The following TXNL4A variants were observed in gnomAD, a reference collection of about 807,000 sequenced individuals.
TXNL4A encodes thioredoxin like 4A, also known as thioredoxin-like protein 4A.
A neutral mutation model predicts 14.6 loss-of-function variants in TXNL4A; 17 were observed. The observed-to-expected ratio is 1.16, with a 90% confidence interval of 0.80 to 1.74. The LOEUF (loss-of-function observed/expected upper bound fraction) is 1.74, where lower values mean the gene tolerates loss of function less well. Ranked by LOEUF, TXNL4A falls within the 40% of genes most tolerant of loss-of-function variation. TXNL4A has a pLI of 0.00. For missense variants in TXNL4A, 74 were observed against 195.2 expected (o/e 0.38, Z 3.70); for synonymous variants, 83 against 70.6 (o/e 1.18, Z -0.88).
intron 1 of TXNL4A, among the ~76,000 whole-genome samples, chr18:80,022,209 G>T (rs185209800): frequency 2.8e-3 from 431 of 152,300 alleles, no homozygotes; most frequent in African/African-American, 9.7e-3. Context: ...CAACAGTGAA[G>T]TTGGGAATTT....
At chr18:79,999,851 C>T (rs1384112627) in intron 1 of TXNL4A, among the ~76,000 whole-genome samples, 1 of 152,184 alleles carries the variant, frequency 6.6e-6, no homozygotes, top group African/African-American at 2.4e-5. Context: ...TTCCCTCATG[C>T]TGTTCTCATG....
intron 1 of TXNL4A, among the ~76,000 whole-genome samples, chr18:80,029,831 A>G (rs1205694145): frequency 6.6e-6 from 1 of 152,206 alleles, no homozygotes; most frequent in Admixed American, 6.5e-5. Flanking sequence ...ACTTTTCTCA[A>G]GGGAGATATA....
intron 1 of TXNL4A, among the ~76,000 whole-genome samples, chr18:79,999,119 C>T (rs1423416814): frequency 6.6e-6 from 1 of 152,174 alleles, no homozygotes; most frequent in African/African-American, 2.4e-5. Flanking sequence ...AGGCTGCAAA[C>T]ATTTGCACTG....
At chr18:80,020,451 C>G (rs1266555741) in intron 1 of TXNL4A, among the ~76,000 whole-genome samples, 2 of 152,180 alleles carry the variant, frequency 1.3e-5, no homozygotes, top group Non-Finnish European at 2.9e-5. Context: ...ATGGCTAACT[C>G]AACCATGCAA....
intron 1 of TXNL4A, among the ~76,000 whole-genome samples, chr18:79,980,844 G>A (rs1213993087): frequency 6.6e-5 from 10 of 152,046 alleles, no homozygotes; most frequent in East Asian, 1.9e-4. Context: ...AGGGGCATGC[G>A]ACTCCCCGTC....
At position 79,993,670 on chromosome 18, in the gene TXNL4A, A is replaced by G. The variant is rs915876775; in HGVS notation, c.-60-15969T>C. On this transcript the variant is annotated intron_variant, in intron 1 of 2. Transcript: ENST00000585474. The surrounding 1 kb of genome is among the most constrained non-coding windows in gnomAD (Gnocchi z 4.4). ...TCAGCTACCGGATTTGACCAACTCCAAACCCTCTAGCTTATGAGTGTGGAA... is the reference window on the plus strand; with the variant it reads ...TCAGCTACCGGATTTGACCAACTCCGAACCCTCTAGCTTATGAGTGTGGAA... Among the ~76,000 whole-genome samples, 2 of 152,168 alleles carry G rather than the reference A, an allele frequency of 1.3e-5. No homozygotes were observed. Among genetic ancestry groups the G allele is most frequent in the Non-Finnish European group, 2.9e-5 (2 of 68,030 alleles).
rs1288287372 is a variant in TXNL4A, at chr18:79,973,036, A to G, written c.*649T>C. 1 of 152,158 alleles carries G rather than the reference A, an allele frequency of 6.6e-6. No homozygotes were observed. Among genetic ancestry groups the G allele is most frequent in the Non-Finnish European group, 1.5e-5 (1 of 68,046 alleles). 9.4% of individuals were successfully genotyped at this position (152,158 alleles called of 1,614,324 possible). A position where few individuals can be genotyped will look rare whatever the true frequency, so the allele number is the denominator to read the frequency against. On this transcript the variant is annotated 3_prime_UTR_variant, in exon 3 of 3. Transcript: ENST00000269601. Reference sequence around the variant, plus strand: ...TTTTGTGGACATAAGATCCTTGCAAATGTAATTAGTTAAGATTAGGCCATG... The same window carrying G: ...TTTTGTGGACATAAGATCCTTGCAAGTGTAATTAGTTAAGATTAGGCCATG...
chr18:80,002,881 C>T (rs1350540916), intron 1 of TXNL4A, among the ~76,000 whole-genome samples: 4 of 152,330 alleles, frequency 2.6e-5, no homozygotes, highest in East Asian at 1.9e-4. Context: ...AACCTGGACA[C>T]CAGCTGTGGC....
At chr18:80,013,030 G>T (rs1008357894) in intron 1 of TXNL4A, among the ~76,000 whole-genome samples, 1 of 150,296 alleles carries the variant, frequency 6.7e-6, no homozygotes, top group Non-Finnish European at 1.5e-5. Context: ...CCCTCGCTGC[G>T]ATCTGTTGAA....
chr18:80,032,307 T>C (rs1173554947), intron 1 of TXNL4A, among the ~76,000 whole-genome samples: 1 of 152,066 alleles, frequency 6.6e-6, no homozygotes, highest in Admixed American at 6.6e-5. Flanking sequence ...GGAACCCACA[T>C]TCCTTTTTAA....
At chr18:80,003,542 T>G (rs141136393) in intron 1 of TXNL4A, among the ~76,000 whole-genome samples, 267 of 152,352 alleles carry the variant, frequency 1.8e-3, no homozygotes, top group African/African-American at 5.8e-3. Flanking sequence ...TTATAATTTT[T>G]TTGTTGTTGT....
intron 1 of TXNL4A, among the ~76,000 whole-genome samples, chr18:80,013,937 C>T (rs1210231118): frequency 6.6e-6 from 1 of 152,118 alleles, no homozygotes; most frequent in African/African-American, 2.4e-5. Context: ...GAGGTGAAGG[C>T]ACTTCTTACA....
chr18:80,031,606 C>A (rs957764804), intron 1 of TXNL4A, among the ~76,000 whole-genome samples: 1 of 152,168 alleles, frequency 6.6e-6, no homozygotes, highest in African/African-American at 2.4e-5. Flanking sequence ...GAAGCCTTAA[C>A]AAATTACACC....
At chr18:80,031,441 C>T (rs546852671) in intron 1 of TXNL4A, among the ~76,000 whole-genome samples, 10 of 152,210 alleles carry the variant, frequency 6.6e-5, no homozygotes, top group Non-Finnish European at 1.0e-4. Context: ...CCAGGTTATG[C>T]TTGGGCACAA....
At chr18:79,986,479 C>A (rs1365731429) in intron 1 of TXNL4A, 1 of 802,236 alleles carries the variant, frequency 1.2e-6, no homozygotes, top group Non-Finnish European at 1.5e-6. Context: ...TTTCAACTGT[C>A]CTTAAGTGTG....
At chr18:80,032,598 G>T (rs1159368753) in intron 1 of TXNL4A, among the ~76,000 whole-genome samples, 2 of 152,210 alleles carry the variant, frequency 1.3e-5, no homozygotes, top group Non-Finnish European at 2.9e-5. Context: ...CCAGCACTTT[G>T]GAAGGCCGAG....
At chr18:80,020,157 C>G (rs1359225459) in intron 1 of TXNL4A, among the ~76,000 whole-genome samples, 1 of 152,188 alleles carries the variant, frequency 6.6e-6, no homozygotes, top group Non-Finnish European at 1.5e-5. Context: ...CTTTGCCCAC[C>G]ACCATCCACG....
chr18:80,032,413 G>C (rs1335227862), intron 1 of TXNL4A, among the ~76,000 whole-genome samples: 1 of 152,242 alleles, frequency 6.6e-6, no homozygotes, highest in Non-Finnish European at 1.5e-5. Flanking sequence ...CCAAAGGGAA[G>C]AGTCAAGCTG....
At chr18:79,984,334 T>G (rs1256969568) in intron 1 of TXNL4A, among the ~76,000 whole-genome samples, 1 of 152,200 alleles carries the variant, frequency 6.6e-6, no homozygotes, top group African/African-American at 2.4e-5. Context: ...TGGCTCACAC[T>G]TGTAATCCCA....
Sources: gnomAD v4.1 joint callset for allele counts (sites outside exome capture counted in the v4.1 genomes callset) on GRCh38, gnomAD v4.1.1 for gene constraint, Gnocchi (gnomAD v3.1) non-coding constraint, MANE v1.5 for transcripts, NCBI Gene and HGNC (gene_info 2026-07-23, HGNC 2026-07-21) for gene names.